The following FAT3 variants were observed in gnomAD, a reference collection of about 807,000 sequenced individuals.
The protein encoded by FAT3 is protocadherin Fat 3.
Under a neutral mutation model 310.2 loss-of-function variants are expected in FAT3, and 95 were observed. The ratio of observed to expected loss-of-function variants is 0.31; its 90% confidence interval spans 0.26 to 0.36. The LOEUF is 0.36. Among genes scored for constraint, FAT3 ranks in the 10% least tolerant of loss-of-function variants. The probability of loss-of-function intolerance (pLI) is 1.00; values close to 1 mark genes in which losing one functional copy is unlikely to be tolerated. For missense variants in FAT3, 5,408 were observed against 5,715.6 expected, an observed-to-expected ratio of 0.95 and a Z score of 1.74; for synonymous variants, 2,314 against 2,192.9, an observed-to-expected ratio of 1.06 and a Z score of -1.54.
intron 2 of FAT3, among the ~76,000 whole-genome samples, chr11:92,423,225 A>T (rs1180120209): frequency 6.6e-6 from 1 of 152,148 alleles, no homozygotes; most frequent in Non-Finnish European, 1.5e-5. Flanking sequence ...CCAAGTCAGT[A>T]CTTTGCAAGC....
At chr11:92,653,252 C>T (rs1360085836) in intron 3 of FAT3, among the ~76,000 whole-genome samples, 1 of 151,978 alleles carries the variant, frequency 6.6e-6, no homozygotes, top group African/African-American at 2.4e-5. Flanking sequence ...GCATGTCCTT[C>T]GGTATCCAAT....
At chr11:92,809,430 T>G (rs1008021516) in intron 12 of FAT3, among the ~76,000 whole-genome samples, 8 of 152,184 alleles carry the variant, frequency 5.3e-5, no homozygotes, top group African/African-American at 1.9e-4. Context: ...TATGGGTTGT[T>G]GACAATATTG....
rs747248746 is a variant in FAT3, at chr11:92,353,435, G to T, written c.1323G>T (p.Glu441Asp). ...GGCCACTGAATACTGTTAAGAAGGAGGTTTATAAACTGGAGGTGACAAACA... is the reference window on the plus strand; with the variant it reads ...GGCCACTGAATACTGTTAAGAAGGATGTTTATAAACTGGAGGTGACAAACA... ...TARPLNTVKKEVYKLEVTNKE... is the reference protein window; with the variant it reads ...TARPLNTVKKDVYKLEVTNKE... Residue 441 changes from glutamate (E) to aspartate (D), a missense_variant, in exon 2 of 28, where the codon GAG (glutamate) becomes GAT (aspartate). Physicochemically the swap from Glu to Asp is conservative, Grantham distance 45. Coordinates refer to ENST00000525166, the MANE Select transcript of FAT3 (RefSeq NM_001367949.2). 3 of 1,613,538 alleles carry T rather than the reference G, an allele frequency of 1.9e-6. No individual in the cohort carries two copies. Among genetic ancestry groups the T allele is most frequent in the South Asian group, 2.2e-5 (2 of 91,018 alleles).
chr11:92,564,630 G>C (rs1955362439), intron 3 of FAT3, among the ~76,000 whole-genome samples: 1 of 152,080 alleles, frequency 6.6e-6, no homozygotes, highest in African/African-American at 2.4e-5. Context: ...TGACCACATA[G>C]TTGAAGTAAA....
At chr11:92,451,328 C>T (rs576076665) in intron 2 of FAT3, among the ~76,000 whole-genome samples, 17 of 152,284 alleles carry the variant, frequency 1.1e-4, no homozygotes, top group Admixed American at 7.2e-4. Context: ...CACAGCTCCG[C>T]GGATAAGGTT....
chr11:92,623,264 A>G (rs916838644), intron 3 of FAT3, among the ~76,000 whole-genome samples: 1 of 148,726 alleles, frequency 6.7e-6, no homozygotes, highest in Non-Finnish European at 1.5e-5. Context: ...CTGTGAGCTT[A>G]CTGAAGACAA....
chr11:92,747,091 G>A (rs1417045631), intron 4 of FAT3, among the ~76,000 whole-genome samples: 1 of 152,194 alleles, frequency 6.6e-6, no homozygotes, highest in Non-Finnish European at 1.5e-5. Context: ...GCCCCAGTGG[G>A]TAGTCTGTGT....
At position 92,837,809 on chromosome 11, in the gene FAT3, G is replaced by A; in HGVS notation, c.10368+3G>A. 2 of 1,613,918 alleles carry A rather than the reference G, an allele frequency of 1.2e-6. No homozygotes were observed. The highest frequency in any genetic ancestry group is 1.7e-6 in the Non-Finnish European group (2 of 1,179,868). On this transcript the variant is annotated splice_donor_region_variant and intron_variant, in intron 17 of 27. Transcript: ENST00000525166. ...CCAACTATACTGCTGTGATTCAGGT[G>A]AGAAAATCTTGCCTGCCAAGCACTT...
At chr11:92,708,658 A>G (rs1270535079) in intron 4 of FAT3, among the ~76,000 whole-genome samples, 6 of 152,224 alleles carry the variant, frequency 3.9e-5, no homozygotes, top group South Asian at 2.1e-4. Context: ...TGTATTATGC[A>G]TTGTATTTAT....
chr11:92,326,080 C>T (rs191308081), intron 1 of FAT3, among the ~76,000 whole-genome samples: 97 of 152,326 alleles, frequency 6.4e-4, no homozygotes, highest in African/African-American at 2.1e-3. Flanking sequence ...ATATTGCAGA[C>T]AACCAGTACT....
chr11:92,268,461 A>G lies in FAT3; in HGVS notation c.-18+43287A>G, dbSNP rs148366867. Reference sequence around the variant, plus strand: ...TTTGACAATTGTAACAGAAATTGGTATAGATTTCCTTTTTTTTTTTTAATT... The same window carrying G: ...TTTGACAATTGTAACAGAAATTGGTGTAGATTTCCTTTTTTTTTTTTAATT... On this transcript the variant is annotated intron_variant, in intron 1 of 27. Coordinates refer to ENST00000525166, the MANE Select transcript of FAT3 (RefSeq NM_001367949.2). Among the ~76,000 whole-genome samples, 217 of 149,922 alleles carry G rather than the reference A, an allele frequency of 1.4e-3. 2 individuals are homozygous for G. The highest frequency in any genetic ancestry group is 5.3e-3 in the African/African-American group (213 of 40,564).
intron 3 of FAT3, among the ~76,000 whole-genome samples, chr11:92,602,180 TCTC>T (rs1940061079): frequency 6.6e-6 from 1 of 152,204 alleles, no homozygotes; most frequent in African/African-American, 2.4e-5. Context: ...TTCAAGCAGT[TCTC>T]CTGCCTCAGC....
At position 92,340,970 on chromosome 11, in the gene FAT3, A is replaced by C. The variant is rs376405171; in HGVS notation, c.-17-11126A>C. On this transcript the variant is annotated intron_variant, in intron 1 of 27. Coordinates refer to ENST00000525166, the MANE Select transcript of FAT3 (RefSeq NM_001367949.2). ...GTTTTCTCTTAGGATGAGCTCCATC[A>C]CCTGGCTTTGTCTTAGTCTCTGTGG... is the stretch of plus-strand genomic sequence containing the variant. 2.0e-5 allele frequency among the ~76,000 whole-genome samples: 3 copies of C among 152,050 alleles called. No homozygotes were observed. In the East Asian group the frequency reaches 5.8e-4, roughly 29 times the overall value.
rs181551811 is a variant in FAT3 at position 92,421,838 on chromosome 11, G to A, written c.3292+66434G>A. Among the ~76,000 whole-genome samples, 5 of 152,304 alleles carry A rather than the reference G, an allele frequency of 3.3e-5. No homozygotes were observed. The East Asian group carries it at 9.7e-4, about 29-fold the overall frequency. ...GGGCTCAGCCCCAGGTAGAGGAACA[G>A]GCAGCGAGCTGAGCCCTCATAGCTC... On this transcript the variant is annotated intron_variant, in intron 2 of 27. Coordinates refer to ENST00000525166, the MANE Select transcript of FAT3 (RefSeq NM_001367949.2).
chr11:92,653,301 G>A (rs1381442758), intron 3 of FAT3, among the ~76,000 whole-genome samples: 9 of 152,082 alleles, frequency 5.9e-5, no homozygotes, highest in East Asian at 1.9e-4. Flanking sequence ...TTGAATGCCC[G>A]AGCCAGAATT....
At chr11:92,368,592 C>A (rs1949086241) in intron 2 of FAT3, among the ~76,000 whole-genome samples, 1 of 152,086 alleles carries the variant, frequency 6.6e-6, no homozygotes, top group African/African-American at 2.4e-5. Context: ...GTTTACATGT[C>A]TAATCATTTG....
intron 3 of FAT3, among the ~76,000 whole-genome samples, chr11:92,529,389 T>C (rs1953991925): frequency 6.6e-6 from 1 of 152,148 alleles, no homozygotes; most frequent in Non-Finnish European, 1.5e-5. Flanking sequence ...CCAGATAGCT[T>C]GAGAGGCATG....
intron 4 of FAT3, among the ~76,000 whole-genome samples, chr11:92,732,985 C>T (rs1364873581): frequency 6.6e-6 from 1 of 152,038 alleles, no homozygotes; most frequent in Non-Finnish European, 1.5e-5. Flanking sequence ...GAAGTTAGAC[C>T]CAGGAAAAAA....
intron 3 of FAT3, among the ~76,000 whole-genome samples, chr11:92,691,160 G>A (rs1462565524): frequency 6.6e-6 from 1 of 152,124 alleles, no homozygotes; most frequent in Non-Finnish European, 1.5e-5. Context: ...TTATATTACT[G>A]TACATTCTTC....
Sources: gnomAD v4.1 joint callset for allele counts (sites outside exome capture counted in the v4.1 genomes callset) on GRCh38, gnomAD v4.1.1 for gene constraint, MANE v1.5 for transcripts, NCBI Gene and HGNC (gene_info 2026-07-23, HGNC 2026-07-21) for gene names.